The following NLGN1 variants were observed in gnomAD, a reference collection of about 807,000 sequenced individuals.
NLGN1 encodes the protein neuroligin 1, also known as neuroligin-1.
A neutral mutation model predicts 65.5 loss-of-function variants in NLGN1; 12 were observed. The observed-to-expected ratio is 0.18, with a 90% CI of 0.12 to 0.30. NLGN1 has a LOEUF of 0.30. Among genes scored for constraint, NLGN1 ranks in the 10% least tolerant of loss-of-function variants. The probability of loss-of-function intolerance (pLI) is 1.00; values close to 1 mark genes in which losing one functional copy is unlikely to be tolerated. For synonymous variants in NLGN1, 350 were observed against 359.5 expected, an observed-to-expected ratio of 0.97 and a Z score of 0.30; for missense variants, 750 against 1,007.1, an observed-to-expected ratio of 0.74 and a Z score of 3.46.
At chr3:173,577,982 A>G (rs1481890193) in intron 2 of NLGN1, among the ~76,000 whole-genome samples, 1 of 152,168 alleles carries the variant, frequency 6.6e-6, no homozygotes, top group Non-Finnish European at 1.5e-5. Context: ...CACGCCTGTA[A>G]TCCCAGCACT....
At chr3:173,430,758 A>G (rs1717026180) in intron 1 of NLGN1, among the ~76,000 whole-genome samples, 1 of 152,152 alleles carries the variant, frequency 6.6e-6, no homozygotes, top group African/African-American at 2.4e-5. Context: ...CTAGTTGTTA[A>G]AAACAGTCTG....
intron 2 of NLGN1, among the ~76,000 whole-genome samples, chr3:173,464,826 C>T (rs922244650): frequency 6.6e-6 from 1 of 152,084 alleles, no homozygotes; most frequent in African/African-American, 2.4e-5. Flanking sequence ...CCCCTAATGG[C>T]AGAGGTTAGT....
intron 4 of NLGN1, among the ~76,000 whole-genome samples, chr3:174,073,126 T>C (rs1740247826): frequency 6.6e-6 from 1 of 152,076 alleles, no homozygotes; most frequent in Non-Finnish European, 1.5e-5. Context: ...ATCATATTTT[T>C]AAGAGAATAA....
At chr3:173,411,928 AG>A (rs905834448) in intron 1 of NLGN1, among the ~76,000 whole-genome samples, 1 of 152,144 alleles carries the variant, frequency 6.6e-6, no homozygotes, top group African/African-American at 2.4e-5. Flanking sequence ...AGAAATATTA[AG>A]GTTTAATTGT....
At chr3:173,462,391 A>G (rs1723554576) in intron 2 of NLGN1, among the ~76,000 whole-genome samples, 1 of 150,938 alleles carries the variant, frequency 6.6e-6, no homozygotes, top group Admixed American at 6.6e-5. Context: ...TCTTCACAAA[A>G]TTTTCTCCAT....
chr3:173,426,549 T>G (rs1716148517), intron 1 of NLGN1, among the ~76,000 whole-genome samples: 1 of 152,128 alleles, frequency 6.6e-6, no homozygotes, highest in Non-Finnish European at 1.5e-5. Flanking sequence ...AGATGCTACA[T>G]TTTATCAAAT....
At chr3:173,423,856 G>A (rs761329005) in intron 1 of NLGN1, among the ~76,000 whole-genome samples, 4 of 152,190 alleles carry the variant, frequency 2.6e-5, no homozygotes, top group Non-Finnish European at 4.4e-5. Context: ...GTGCCCCAGT[G>A]GAGACTGTGT....
chr3:174,077,202 T>C (rs1049083610), intron 4 of NLGN1, among the ~76,000 whole-genome samples: 1 of 151,870 alleles, frequency 6.6e-6, no homozygotes, highest in Non-Finnish European at 1.5e-5. Context: ...AAAAAAAACC[T>C]ATTCCCACTT....
intron 3 of NLGN1, among the ~76,000 whole-genome samples, chr3:173,704,465 C>G (rs1767741975): frequency 6.6e-6 from 1 of 151,944 alleles, no homozygotes; most frequent in Non-Finnish European, 1.5e-5. Flanking sequence ...CAAAAGTGCT[C>G]ATAACAGTTA....
chr3:173,857,071 G>A (rs1376263214), intron 4 of NLGN1, among the ~76,000 whole-genome samples: 1 of 151,650 alleles, frequency 6.6e-6, no homozygotes, highest in Non-Finnish European at 1.5e-5. Context: ...AATTTCTTAT[G>A]TAGCTCATCT....
intron 4 of NLGN1, among the ~76,000 whole-genome samples, chr3:173,968,561 A>G (rs990182105): frequency 2.6e-5 from 4 of 152,040 alleles, no homozygotes; most frequent in Non-Finnish European, 4.4e-5. Context: ...ATCAGAAAAA[A>G]AATACTTTAT....
chr3:173,916,180 AAGTT>A (rs561754514), intron 4 of NLGN1, among the ~76,000 whole-genome samples: 101 of 152,276 alleles, frequency 6.6e-4, no homozygotes, highest in East Asian at 3.3e-3. Context: ...CACATAGTAA[AAGTT>A]AGTATGATTA....
chr3:173,909,303 G>C (rs1396738558), intron 4 of NLGN1, among the ~76,000 whole-genome samples: 5 of 152,086 alleles, frequency 3.3e-5, no homozygotes, highest in African/African-American at 9.7e-5. Context: ...CCTGGGCTTA[G>C]CCATCTTTTT....
chr3:173,598,949 T>A (rs1749983545), intron 2 of NLGN1, among the ~76,000 whole-genome samples: 1 of 152,086 alleles, frequency 6.6e-6, no homozygotes, highest in African/African-American at 2.4e-5. Context: ...GAACCAGTCA[T>A]TAAAATGTGA....
At chr3:173,524,567 C>T (rs957976199) in intron 2 of NLGN1, among the ~76,000 whole-genome samples, 24 of 152,094 alleles carry the variant, frequency 1.6e-4, no homozygotes, top group African/African-American at 5.8e-4. Flanking sequence ...CTTTCTCTTG[C>T]CTGTTTGCTC....
intron 4 of NLGN1, among the ~76,000 whole-genome samples, chr3:174,040,522 C>G (rs1011230296): frequency 5.3e-5 from 8 of 151,672 alleles, no homozygotes; most frequent in African/African-American, 1.5e-4. Context: ...ATACATTATA[C>G]AAGAAAAAAA....
chr3:173,556,461 A>G (rs1741718635), intron 2 of NLGN1, among the ~76,000 whole-genome samples: 1 of 151,878 alleles, frequency 6.6e-6, no homozygotes, highest in Non-Finnish European at 1.5e-5. Context: ...TTCTTTTTCT[A>G]ATTTGTTTTT....
intron 4 of NLGN1, among the ~76,000 whole-genome samples, chr3:174,213,815 A>C (rs1737117343): frequency 6.6e-6 from 1 of 152,162 alleles, no homozygotes; most frequent in Non-Finnish European, 1.5e-5. Flanking sequence ...TTAACGTTAT[A>C]ATTTACTTTT....
At chr3:173,594,104 G>A (rs558602193) in intron 2 of NLGN1, among the ~76,000 whole-genome samples, 18 of 152,188 alleles carry the variant, frequency 1.2e-4, no homozygotes, top group East Asian at 1.2e-3. Context: ...TCATGTCCTC[G>A]CATTTCAAAA....
Sources: gnomAD v4.1 joint callset for allele counts (sites outside exome capture counted in the v4.1 genomes callset) on GRCh38, gnomAD v4.1.1 for gene constraint, MANE v1.5 for transcripts, NCBI Gene and HGNC (gene_info 2026-07-23, HGNC 2026-07-21) for gene names.